The following GNS variants were observed in gnomAD, a reference collection of about 807,000 sequenced individuals.
The protein encoded by GNS is N-acetylglucosamine-6-sulfatase.
A neutral mutation model predicts 69.7 loss-of-function variants in GNS; 40 were observed. That is an observed-to-expected ratio of 0.57 (90% CI 0.45 to 0.75). The LOEUF is 0.75. Among genes scored for constraint, GNS ranks in the 30% least tolerant of loss-of-function variants. The pLI is 0.00. For synonymous variants in GNS, 243 were observed against 251.6 expected (o/e 0.97, Z 0.32); for missense variants, 565 against 685.5 (o/e 0.82, Z 1.96).
At chr12:64,739,252 G>A (rs1414625886) in intron 8 of GNS, 129 bp downstream of exon 8, 2 of 772,292 alleles carry the variant, frequency 2.6e-6, no homozygotes, top group Admixed American at 1.7e-5. Flanking sequence ...GAGGGGTCCT[G>A]AGGGCAAGAT....
chr12:64,725,058 G>C (rs778142915), intron 10 of GNS, among the ~76,000 whole-genome samples: 1 of 152,102 alleles, frequency 6.6e-6, no homozygotes, highest in Non-Finnish European at 1.5e-5. Flanking sequence ...AAAATCACCA[G>C]GGAAACTTGA....
chr12:64,721,803 T>C, intron 11 of GNS, 98 bp from the exon 12 acceptor site: 3 of 761,752 alleles, frequency 3.9e-6, no homozygotes, highest in South Asian at 1.4e-5. Flanking sequence ...ATGCCGGACA[T>C]GCAATTTGAC....
At chr12:64,749,248 CTTTTTTTTTTT>C (rs759239939) in intron 2 of GNS, among the ~76,000 whole-genome samples, 4 of 65,078 alleles carry the variant, frequency 6.1e-5, no homozygotes, top group African/African-American at 1.6e-4. Context: ...CTTGATTTGG[CTTTTTTTTTTT>C]TTTTTTTTTT....
rs750944174 is a variant in GNS at position 64,739,449 on chromosome 12, C to T, written c.926G>A (p.Arg309Lys). 5 of 1,610,676 alleles carry T rather than the reference C, an allele frequency of 3.1e-6. No homozygotes were observed. The highest frequency in any genetic ancestry group is 1.7e-4 in the Middle Eastern group (1 of 6,050). Residue 309 changes from arginine (R) to lysine (K), a missense_variant, in exon 8 of 14, where the codon AGG (arginine) becomes AAG (lysine). By Grantham distance (26) the Arg-to-Lys change is conservative (BLOSUM62 2). Transcript: ENST00000258145. ...GTTGAGCTCCCCAGTGAACTCCAGC[C>T]TCTTGACCAGTTTCTCCACAAGGTC... The part of the protein sequence containing the change: ...VDDLVEKLVK[R>K]LEFTGELNNT...
intron 6 of GNS, 76 bp downstream of exon 6, chr12:64,743,065 C>T: frequency 8.6e-7 from 1 of 1,157,702 alleles, no homozygotes; most frequent in South Asian, 1.2e-5. Context: ...CTACATGGCT[C>T]AAAGGCTTCC....
intron 3 of GNS, 127 bp from the exon 4 acceptor site, chr12:64,745,851 T>C (rs889064872): frequency 4.2e-6 from 3 of 709,864 alleles, no homozygotes; most frequent in East Asian, 2.7e-5. Flanking sequence ...TTTCCCCAAA[T>C]AGACACTAGT....
chr12:64,721,728 A>T (rs761729974), intron 11 of GNS, 23 bp from the exon 12 acceptor site: 9 of 1,161,956 alleles, frequency 7.7e-6, no homozygotes, highest in African/African-American at 1.5e-5. Context: ...TTCAAAAGTT[A>T]AATGAAGACA....
intron 1 of GNS, among the ~76,000 whole-genome samples, chr12:64,754,815 G>A (rs1350666203): frequency 6.6e-6 from 1 of 151,428 alleles, no homozygotes; most frequent in African/African-American, 2.4e-5. Context: ...TTTGTGCCCA[G>A]AAGTTCGAGG....
At chr12:64,734,859 T>C (rs983965413) in intron 9 of GNS, among the ~76,000 whole-genome samples, 1 of 152,136 alleles carries the variant, frequency 6.6e-6, no homozygotes, top group East Asian at 1.9e-4. Context: ...TCCCAGCACT[T>C]TGGGAGGCCG....
intron 9 of GNS, among the ~76,000 whole-genome samples, chr12:64,729,493 C>T (rs989972126): frequency 6.6e-6 from 1 of 152,144 alleles, no homozygotes. Context: ...GGAATGCTTC[C>T]CATCAGTGAG....
intron 2 of GNS, among the ~76,000 whole-genome samples, chr12:64,748,566 G>C (rs929611988): frequency 1.1e-4 from 16 of 152,104 alleles, no homozygotes; most frequent in African/African-American, 3.9e-4. Flanking sequence ...CTTAACCAAA[G>C]ACAAAGAATA....
At chr12:64,753,082 G>C (rs1278763986) in intron 1 of GNS, 2 of 323,728 alleles carry the variant, frequency 6.2e-6, no homozygotes, top group Non-Finnish European at 1.1e-5. Context: ...ATCTTTAGAA[G>C]TAGGATGTGG....
At chr12:64,735,953 A>G (rs1287584701) in intron 9 of GNS, among the ~76,000 whole-genome samples, 1 of 152,224 alleles carries the variant, frequency 6.6e-6, no homozygotes, top group East Asian at 1.9e-4. Flanking sequence ...TGAAAAATAG[A>G]CATTTAAACA....
chr12:64,726,928 T>TAA (rs35762506), intron 10 of GNS, among the ~76,000 whole-genome samples: 3 of 147,326 alleles, frequency 2.0e-5, no homozygotes, highest in African/African-American at 7.4e-5. Context: ...AATAACACAA[T>TAA]AAAAAAAAAA....
chr12:64,752,701 A>G lies in GNS; in HGVS notation c.249T>C (p.Ser83=). Residue 83 remains serine (S), a synonymous_variant, in exon 2 of 14, where the codon AGT becomes AGC. Transcript: ENST00000258145. ...LIGEMGMTFS[S]AYVPSALCCP... is the part of the protein sequence containing the mutation. ...TTGAATTAACTTTCAAACTTACAGC[A>G]CTGGAAAAAGTCATCCCCATCTCTC... 6.8e-7 allele frequency: 1 copy of G among 1,475,780 alleles called. No homozygotes were observed. Among genetic ancestry groups the G allele is most frequent in the Non-Finnish European group, 9.5e-7 (1 of 1,055,658 alleles). The allele number at this position is 1,475,780 out of a possible 1,614,324, so 91.4% of individuals were successfully genotyped here.
intron 3 of GNS, among the ~76,000 whole-genome samples, chr12:64,747,309 A>G (rs1046529479): frequency 1.3e-5 from 2 of 152,258 alleles, no homozygotes; most frequent in Admixed American, 1.3e-4. Flanking sequence ...GAAAGATTCT[A>G]AGACGAAAAA....
At chr12:64,739,562 G>GT in intron 7 of GNS, 63 bp from the exon 8 acceptor site, 1 of 397,250 alleles carries the variant, frequency 2.5e-6, no homozygotes, top group Non-Finnish European at 4.1e-6. Context: ...TCACTATCTT[G>GT]CCAAAAAAAA....
At chr12:64,733,028 C>A (rs931458608) in intron 9 of GNS, among the ~76,000 whole-genome samples, 1 of 151,870 alleles carries the variant, frequency 6.6e-6, no homozygotes, top group Admixed American at 6.6e-5. Flanking sequence ...GTGGCTCATG[C>A]CTGTAATGAG....
intron 1 of GNS, chr12:64,756,666 C>G (rs1180775833): frequency 1.9e-6 from 2 of 1,046,830 alleles, no homozygotes; most frequent in Non-Finnish European, 2.8e-6. Context: ...AATCCTCATA[C>G]TCTGCTCGGC....
Sources: allele counts gnomAD v4.1 joint callset (sites outside exome capture counted in the v4.1 genomes callset), GRCh38; gene constraint gnomAD v4.1.1; transcripts MANE v1.5; gene names NCBI Gene and HGNC (gene_info 2026-07-23, HGNC 2026-07-21).